The following MMRN2 variants were observed in gnomAD, a reference collection of about 807,000 sequenced individuals.
MMRN2 encodes multimerin-2.
Under a neutral mutation model 68.8 loss-of-function variants are expected in MMRN2, and 53 were observed. That is an observed-to-expected ratio of 0.77 (90% CI 0.62 to 0.97). The LOEUF (loss-of-function observed/expected upper bound fraction) is 0.97, where lower values mean the gene tolerates loss of function less well. Ranked by LOEUF, MMRN2 falls within the 50% of genes least tolerant of loss-of-function variation. The pLI, the probability that MMRN2 is intolerant of heterozygous loss-of-function variation, is 0.00. For missense variants in MMRN2, 1,266 were observed against 1,259.5 expected (o/e 1.01, Z -0.08); for synonymous variants, 564 against 551.6 (o/e 1.02, Z -0.32).
chr10:86,939,088 G>A (rs1350598690), intron 6 of MMRN2, among the ~76,000 whole-genome samples: 1 of 150,218 alleles, frequency 6.7e-6, no homozygotes, highest in East Asian at 2.0e-4. Context: ...CTTGCACCCG[G>A]GAGGCGGAGG....
chr10:86,954,738 G>A (rs113530497), intron 1 of MMRN2, among the ~76,000 whole-genome samples: 1,626 of 151,838 alleles, frequency 0.011, 34 homozygotes, highest in African/African-American at 0.037. Context: ...TCAGCCCAGA[G>A]CTAAGAACCC....
In MMRN2 at chr10:86,943,529, A is replaced by C; in HGVS notation, c.1255T>G (p.Ser419Ala). The change falls in exon 6 of 7, where the codon TCG (serine) becomes GCG (alanine). Residue 419 changes from serine to alanine, a missense_variant. Ser to Ala is a moderately conservative substitution (Grantham distance 99). Transcript: ENST00000372027. The surrounding 1 kb of genome is among the most constrained non-coding windows in gnomAD (Gnocchi z 4.2). Reference sequence around the variant, plus strand: ...CTAATCTGATCGAAAGTCTCGTCCGATTCGGAGTACAGTTCCTTGATCTCA... The same window carrying C: ...CTAATCTGATCGAAAGTCTCGTCCGCTTCGGAGTACAGTTCCTTGATCTCA... Reference protein sequence around the residue: ...VDEIKELYSESDETFDQISKV... With the variant: ...VDEIKELYSEADETFDQISKV... The C allele has an allele frequency of 6.2e-7, 1 of 1,614,188 alleles. No homozygotes were observed. The highest frequency in any genetic ancestry group is 1.1e-5 in the South Asian group (1 of 91,086).
At chr10:86,945,530 C>T (rs984648141) in intron 2 of MMRN2, 31 bp downstream of exon 2, 28 of 1,567,946 alleles carry the variant, frequency 1.8e-5, no homozygotes, top group African/African-American at 5.4e-5. Flanking sequence ...CGCTCCAGGC[C>T]TGGGCAAATG....
At position 86,946,033 on chromosome 10, in the gene MMRN2, C is replaced by T. The variant is rs181276841; in HGVS notation, c.165-344G>A. ...AACAGCCAGAGTGTGGGGAAAACAC[C>T]GTGTGCACTGCAGCTGTCTGCATGG... On this transcript the variant is annotated intron_variant, in intron 1 of 6. Transcript: ENST00000372027. Among the ~76,000 whole-genome samples, 137 of 152,274 alleles carry T rather than the reference C, an allele frequency of 9.0e-4. 2 individuals carry two copies. The highest frequency in any genetic ancestry group is 8.1e-3 in the Admixed American group (124 of 15,296).
chr10:86,955,561 G>A (rs764844475), intron 1 of MMRN2, among the ~76,000 whole-genome samples: 6 of 152,208 alleles, frequency 3.9e-5, no homozygotes, highest in African/African-American at 7.2e-5. Flanking sequence ...CCTGGCAGCC[G>A]AGCCTCCTTG....
Position 86,957,548 on chromosome 10 carries a change from G to A in MMRN2, c.-7C>T. 6.2e-7 allele frequency: 1 copy of A among 1,603,772 alleles called. No individual in the cohort carries two copies. The highest frequency in any genetic ancestry group is 8.5e-7 in the Non-Finnish European group (1 of 1,175,534). ...ACAGCAAGCTCAGGATCATCTTGGT[G>A]GTGGGGCAGGCTCAGCTCACACTCA... On this transcript the variant is annotated 5_prime_UTR_variant, in exon 1 of 7. Transcript: ENST00000372027.
intron 1 of MMRN2, chr10:86,953,967 C>T (rs1010073468): frequency 2.6e-5 from 4 of 152,450 alleles, no homozygotes; most frequent in Admixed American, 2.0e-4. Flanking sequence ...TGCCCATGCT[C>T]CCCACCCTGG....
At chr10:86,953,579 T>A (rs951835247) in intron 1 of MMRN2, among the ~76,000 whole-genome samples, 20 of 152,138 alleles carry the variant, frequency 1.3e-4, no homozygotes, top group African/African-American at 4.8e-4. Context: ...CCAGGTGCAT[T>A]GTCACGACTG....
chr10:86,956,497 G>T (rs141162714), intron 1 of MMRN2, among the ~76,000 whole-genome samples: 34 of 152,336 alleles, frequency 2.2e-4, no homozygotes, highest in Middle Eastern at 3.4e-3. Context: ...GTGTGTGGGG[G>T]CAGGAGGGTG....
chr10:86,938,183 C>G (rs1279228454), intron 6 of MMRN2, among the ~76,000 whole-genome samples: 1 of 152,224 alleles, frequency 6.6e-6, no homozygotes, highest in African/African-American at 2.4e-5. Flanking sequence ...GTCCTCCCAC[C>G]TCAACCCCGC....
At chr10:86,957,271 C>T in intron 1 of MMRN2, 107 bp downstream of exon 1, 2 of 1,164,886 alleles carry the variant, frequency 1.7e-6, no homozygotes, top group East Asian at 2.3e-5. Context: ...ATACTATTAG[C>T]CCATTTCACA....
chr10:86,951,697 GAAACTTAAAAAAAAAA>G (rs1330103938), intron 1 of MMRN2, among the ~76,000 whole-genome samples: 47 of 123,142 alleles, frequency 3.8e-4, no homozygotes, highest in Admixed American at 1.2e-3. Flanking sequence ...TAATAAAAAT[GAAACTTAAAAAAAAAA>G]TCATTTTCAT....
At chr10:86,955,570 TGTGATGG>T (rs1316693810) in intron 1 of MMRN2, among the ~76,000 whole-genome samples, 3 of 152,186 alleles carry the variant, frequency 2.0e-5, no homozygotes, top group Non-Finnish European at 4.4e-5. Context: ...CGAGCCTCCT[TGTGATGG>T]TGTTGGTGTC....
At chr10:86,939,943 C>T (rs980430425) in intron 6 of MMRN2, among the ~76,000 whole-genome samples, 10 of 151,778 alleles carry the variant, frequency 6.6e-5, no homozygotes, top group African/African-American at 2.4e-4. Context: ...CTCTGCCTCC[C>T]AGGTTCAAGC....
intron 1 of MMRN2, among the ~76,000 whole-genome samples, chr10:86,955,327 T>C (rs760467090): frequency 1.1e-4 from 17 of 152,204 alleles, no homozygotes; most frequent in Admixed American, 5.9e-4. Context: ...GGAGTCCTAA[T>C]GCTCAGGCTG....
intron 6 of MMRN2, among the ~76,000 whole-genome samples, chr10:86,938,541 G>A (rs1021492454): frequency 6.6e-6 from 1 of 152,224 alleles, no homozygotes; most frequent in African/African-American, 2.4e-5. Context: ...AGGGTCATGA[G>A]ATGGCACAGG....
At chr10:86,946,406 C>A (rs1008635819) in intron 1 of MMRN2, among the ~76,000 whole-genome samples, 1 of 152,226 alleles carries the variant, frequency 6.6e-6, no homozygotes, top group African/African-American at 2.4e-5. Context: ...TAGAAAGGGA[C>A]TTTCAAACAG....
intron 1 of MMRN2, among the ~76,000 whole-genome samples, chr10:86,948,420 A>G (rs551777178): frequency 6.6e-6 from 1 of 152,222 alleles, no homozygotes; most frequent in Admixed American, 6.5e-5. Flanking sequence ...GAGATGGGAG[A>G]GGAAGCGTGA....
intron 6 of MMRN2, among the ~76,000 whole-genome samples, chr10:86,941,165 C>T (rs527989411): frequency 6.6e-5 from 10 of 152,302 alleles, no homozygotes; most frequent in East Asian, 1.9e-4. Flanking sequence ...TAGCACAGAG[C>T]GATGAGACAG....
Sources: gnomAD v4.1 joint callset for allele counts (sites outside exome capture counted in the v4.1 genomes callset) on GRCh38, gnomAD v4.1.1 for gene constraint, Gnocchi (gnomAD v3.1) non-coding constraint, MANE v1.5 for transcripts, NCBI Gene and HGNC (gene_info 2026-07-23, HGNC 2026-07-21) for gene names.